SLC35E3: variants seen among roughly 807,000 people sequenced by gnomAD.
SLC35E3 encodes the protein bladder cancer-overexpressed gene 1 protein.
SLC35E3 carries 28 observed loss-of-function variants against 30.8 expected under a neutral mutation model. The observed-to-expected ratio is 0.91, with a 90% CI of 0.67 to 1.25. The LOEUF is 1.25. Among genes scored for constraint, SLC35E3 ranks in the 50% most tolerant of loss-of-function variants. The pLI, the probability that SLC35E3 is intolerant of heterozygous loss-of-function variation, is 0.00. For missense variants in SLC35E3, 365 were observed against 375.4 expected, an observed-to-expected ratio of 0.97 and a Z score of 0.23; for synonymous variants, 146 against 149.2, an observed-to-expected ratio of 0.98 and a Z score of 0.16.
At position 68,752,168 on chromosome 12, in the gene SLC35E3, G is replaced by T; in HGVS notation, c.650G>T (p.Gly217Val). The change falls in exon 3 of 5, where the codon GGT becomes GTT. Residue 217 changes from glycine to valine, a missense_variant. Physicochemically the swap from Gly to Val is moderately radical, Grantham distance 109. Coordinates refer to ENST00000398004, the MANE Select transcript of SLC35E3 (RefSeq NM_018656.5). ...GTGTTTGGAGAAGGAGGAATATTTG[G>T]TCCCTGGTCAGTTTCTGCTTTGGTA... ...EPVFGEGGIF[G>V]PWSVSALLMV... 1 of 1,611,478 alleles carries T rather than the reference G, an allele frequency of 6.2e-7. No individual in the cohort carries two copies. Among genetic ancestry groups the T allele is most frequent in the Non-Finnish European group, 8.5e-7 (1 of 1,179,360 alleles).
chr12:68,761,730 A>C (rs927735506), intron 4 of SLC35E3, among the ~76,000 whole-genome samples: 1 of 152,384 alleles, frequency 6.6e-6, no homozygotes. Flanking sequence ...AGTGGCTACC[A>C]GTATGATAGC....
Position 68,746,200 on chromosome 12 carries a change from G to A in SLC35E3, c.-178G>A. 1 of 522,504 alleles carries A rather than the reference G, an allele frequency of 1.9e-6. No homozygotes were observed. Among genetic ancestry groups the A allele is most frequent in the Admixed American group, 3.7e-5 (1 of 26,946 alleles). The allele number at this position is 522,504 out of a possible 1,614,324, so 32.4% of individuals were successfully genotyped here. A position where few individuals can be genotyped will look rare whatever the true frequency, so the allele number is the denominator to read the frequency against. ...CGTCCTAGCTGGCTTACAGGGCGGC[G>A]GCGGGGTGTGTGTCCTCTGTTAAGA... On this transcript the variant is annotated 5_prime_UTR_variant, in exon 1 of 5. Transcript: ENST00000398004.
chr12:68,746,825 C>A, intron 1 of SLC35E3, 46 bp downstream of exon 1: 3 of 1,512,798 alleles, frequency 2.0e-6, no homozygotes, highest in Non-Finnish European at 2.7e-6. Context: ...CGACCCACCT[C>A]CTGCACTGGC....
intron 3 of SLC35E3, among the ~76,000 whole-genome samples, chr12:68,756,006 T>C (rs1342587331): frequency 6.6e-6 from 1 of 152,122 alleles, no homozygotes; most frequent in African/African-American, 2.4e-5. Flanking sequence ...GAAACACAAT[T>C]TGGATACATG....
chr12:68,762,300 G>C (rs574929176), intron 4 of SLC35E3, among the ~76,000 whole-genome samples: 1 of 152,282 alleles, frequency 6.6e-6, no homozygotes, highest in African/African-American at 2.4e-5. Context: ...TTTGAGTCCA[G>C]TATTTGGAAT....
intron 3 of SLC35E3, among the ~76,000 whole-genome samples, chr12:68,756,301 T>TAA (rs34141831): frequency 0.039 from 4,579 of 117,024 alleles, 167 homozygotes; most frequent in African/African-American, 0.088. Context: ...GAAAAGCCAT[T>TAA]AAAAAAAAAA....
intron 3 of SLC35E3, among the ~76,000 whole-genome samples, chr12:68,752,499 G>GATACTT (rs1185571138): frequency 6.6e-6 from 1 of 152,196 alleles, no homozygotes; most frequent in African/African-American, 2.4e-5. Context: ...TGGACATTTA[G>GATACTT]ATTAAGTTAA....
At position 68,766,616 on chromosome 12, in the gene SLC35E3, T is replaced by C; in HGVS notation, c.*1726T>C. 1 of 234,864 alleles carries C rather than the reference T, an allele frequency of 4.3e-6. No individual in the cohort carries two copies. Among genetic ancestry groups the C allele is most frequent in the Non-Finnish European group, 9.0e-6 (1 of 111,136 alleles). The allele number at this position is 234,864 out of a possible 1,614,324, so 14.5% of individuals were successfully genotyped here. ...ATTTTTTATTTTCTTATTTTTTGTC[T>C]TACAGTCGACCAGGCTGGAATGCAG... On this transcript the variant is annotated 3_prime_UTR_variant, in exon 5 of 5. Coordinates refer to ENST00000398004, the MANE Select transcript of SLC35E3 (RefSeq NM_018656.5).
At chr12:68,756,724 A>G (rs971352209) in intron 3 of SLC35E3, among the ~76,000 whole-genome samples, 12 of 152,238 alleles carry the variant, frequency 7.9e-5, no homozygotes, top group Non-Finnish European at 1.5e-4. Flanking sequence ...ATGATCGGCC[A>G]GGCGCAGTGG....
intron 1 of SLC35E3, 113 bp downstream of exon 1, chr12:68,746,892 G>C: frequency 8.6e-7 from 1 of 1,159,566 alleles, no homozygotes; most frequent in Non-Finnish European, 1.2e-6. Context: ...CCACAAATGA[G>C]TCATCTGTGG....
In SLC35E3 at chr12:68,772,797, T is replaced by C. The variant is rs1879642445; in HGVS notation, c.*7907T>C. 6.6e-6 allele frequency: 1 copy of C among 152,218 alleles called. No individual in the cohort carries two copies. The highest frequency in any genetic ancestry group is 2.4e-5 in the African/African-American group (1 of 41,464). The allele number at this position is 152,218 out of a possible 1,614,324, so 9.4% of individuals were successfully genotyped here. A position where few individuals can be genotyped will look rare whatever the true frequency, so the allele number is the denominator to read the frequency against. On this transcript the variant is annotated 3_prime_UTR_variant, in exon 5 of 5. Transcript: ENST00000398004. Reference sequence around the variant, plus strand: ...TATCAACCACGTCTTCATTTTCCTTTTCCTGTTTGTCTTACTCTCCCCCCA... The same window carrying C: ...TATCAACCACGTCTTCATTTTCCTTCTCCTGTTTGTCTTACTCTCCCCCCA...
At chr12:68,747,491 A>C (rs1427034928) in intron 1 of SLC35E3, among the ~76,000 whole-genome samples, 5 of 152,068 alleles carry the variant, frequency 3.3e-5, no homozygotes, top group African/African-American at 1.2e-4. Context: ...CTGGTCTCGA[A>C]CTCTGACCTC....
Position 68,764,926 on chromosome 12 carries a change from AAG to A in SLC35E3, c.*38_*39del. ...GTGGAGAAAAGAATGTTGTCCCAAG[AAG>A]ATAAAAAATATTGTTAAGTGTGCAA... On this transcript the variant is annotated 3_prime_UTR_variant, in exon 5 of 5. Coordinates refer to ENST00000398004, the MANE Select transcript of SLC35E3 (RefSeq NM_018656.5). The A allele has an allele frequency of 1.9e-6, 3 of 1,593,670 alleles. No individual in the cohort carries two copies. In the South Asian group the frequency reaches 3.4e-5, roughly 18 times the overall value.
At chr12:68,764,315 G>T (rs117097852) in intron 4 of SLC35E3, among the ~76,000 whole-genome samples, 1,614 of 152,172 alleles carry the variant, frequency 0.011, 41 homozygotes, top group East Asian at 0.094. Flanking sequence ...TTTTTAGACA[G>T]TCTTGTTCTG....
chr12:68,759,628 GGGGAGTC>G (rs1879172367), intron 4 of SLC35E3, among the ~76,000 whole-genome samples: 1 of 151,862 alleles, frequency 6.6e-6, no homozygotes, highest in Non-Finnish European at 1.5e-5. Flanking sequence ...TGCTTGAACT[GGGGAGTC>G]GGAGGTTACA....
chr12:68,776,296 G>A lies in SLC35E3; in HGVS notation c.*11406G>A, dbSNP rs1879744606. 6.6e-6 allele frequency: 1 copy of A among 150,964 alleles called. No individual in the cohort carries two copies. Among genetic ancestry groups the A allele is most frequent in the Non-Finnish European group, 1.5e-5 (1 of 67,858 alleles). 9.4% of individuals were successfully genotyped at this position (150,964 alleles called of 1,614,324 possible). A position where few individuals can be genotyped will look rare whatever the true frequency, so the allele number is the denominator to read the frequency against. On this transcript the variant is annotated 3_prime_UTR_variant, in exon 5 of 5. Transcript: ENST00000398004. The stretch of plus-strand genomic sequence containing the variant: ...GGCCGAGGCAGGTGGATCACTTGAG[G>A]TCAGGAGTTGGAGACCAGCCTGGCC...
rs1395427250 is a variant in SLC35E3, at chr12:68,771,153, A to G, written c.*6263A>G. ...GCTGTGTGCGGTGGTGCATGCCTAT[A>G]ATCCCAGCTACTTAGGAGGCTGAGG... On this transcript the variant is annotated 3_prime_UTR_variant, in exon 5 of 5. Transcript: ENST00000398004. The G allele has an allele frequency of 6.6e-6, 1 of 151,224 alleles. No homozygotes were observed. The highest frequency in any genetic ancestry group is 2.4e-5 in the African/African-American group (1 of 41,064). 9.4% of individuals were successfully genotyped at this position (151,224 alleles called of 1,614,324 possible).
intron 4 of SLC35E3, among the ~76,000 whole-genome samples, chr12:68,759,619 G>A (rs2136075920): frequency 6.6e-6 from 1 of 152,036 alleles, no homozygotes; most frequent in East Asian, 1.9e-4. Flanking sequence ...CACAAGAATT[G>A]CTTGAACTGG....
At position 68,780,933 on chromosome 12, in the gene SLC35E3, T is replaced by C. The variant is rs1879869424; in HGVS notation, c.*16043T>C. On this transcript the variant is annotated 3_prime_UTR_variant, in exon 5 of 5. Transcript: ENST00000398004. ...CTTCAGTCTATGACAAGGAGGTCTG[T>C]TTCCTCCAACGCCTGCCTTTTAGAC... 1 of 152,212 alleles carries C rather than the reference T, an allele frequency of 6.6e-6. No individual in the cohort carries two copies. Among genetic ancestry groups the C allele is most frequent in the Non-Finnish European group, 1.5e-5 (1 of 68,060 alleles). The allele number at this position is 152,212 out of a possible 1,614,324, so 9.4% of individuals were successfully genotyped here.
Sources: gnomAD v4.1 joint callset for allele counts (sites outside exome capture counted in the v4.1 genomes callset) on GRCh38, gnomAD v4.1.1 for gene constraint, MANE v1.5 for transcripts, NCBI Gene and HGNC (gene_info 2026-07-23, HGNC 2026-07-21) for gene names.